Variants in DGKB observed in about 807,000 individuals in gnomAD.
DGKB encodes diacylglycerol kinase beta.
DGKB carries 67 observed loss-of-function variants against 114.3 expected under a neutral mutation model. The observed-to-expected ratio is 0.59, with a 90% CI of 0.48 to 0.72. The LOEUF (loss-of-function observed/expected upper bound fraction) is 0.72. DGKB is among the 30% of genes least tolerant of loss of function. The probability of loss-of-function intolerance (pLI) is 0.00; values close to 1 mark genes in which losing one functional copy is unlikely to be tolerated. For missense variants in DGKB, 907 were observed against 975.2 expected, an observed-to-expected ratio of 0.93 and a Z score of 0.93; for synonymous variants, 398 against 323.1, an observed-to-expected ratio of 1.23 and a Z score of -2.49.
chr7:14,900,673 T>A (rs542272770), intron 1 of DGKB, among the ~76,000 whole-genome samples: 1 of 152,302 alleles, frequency 6.6e-6, no homozygotes, highest in South Asian at 2.1e-4. Context: ...TAAAACAATT[T>A]AAATAATTGT....
At chr7:14,674,656 C>G (rs1200948450) in intron 12 of DGKB, among the ~76,000 whole-genome samples, 1 of 152,014 alleles carries the variant, frequency 6.6e-6, no homozygotes, top group Non-Finnish European at 1.5e-5. Flanking sequence ...GGACCCTAAT[C>G]CAATGACTGG....
intron 9 of DGKB, among the ~76,000 whole-genome samples, chr7:14,688,543 G>C (rs1327448740): frequency 1.3e-5 from 2 of 152,138 alleles, no homozygotes; most frequent in Admixed American, 6.6e-5. Flanking sequence ...CAAAATAATT[G>C]AGAAAGATAC....
intron 21 of DGKB, among the ~76,000 whole-genome samples, chr7:14,437,300 C>A (rs111369228): frequency 6.6e-6 from 1 of 151,966 alleles, no homozygotes. Flanking sequence ...GAATAGAGAA[C>A]AACTTTTTCT....
At chr7:14,924,451 C>T (rs550726456) in intron 1 of DGKB, among the ~76,000 whole-genome samples, 1 of 151,980 alleles carries the variant, frequency 6.6e-6, no homozygotes, top group East Asian at 1.9e-4. Flanking sequence ...CAGAGATTTC[C>T]TCTGTGGTAC....
chr7:14,843,624 G>A (rs1194036636), intron 1 of DGKB, among the ~76,000 whole-genome samples: 1 of 152,138 alleles, frequency 6.6e-6, no homozygotes, highest in African/African-American at 2.4e-5. Context: ...GTGAGCCACC[G>A]CGCCCAGCCA....
intron 1 of DGKB, among the ~76,000 whole-genome samples, chr7:14,891,791 G>A (rs985653117): frequency 6.6e-6 from 1 of 151,412 alleles, no homozygotes; most frequent in African/African-American, 2.4e-5. Context: ...TGAAGTACCT[G>A]GGTGGCAGGG....
chr7:14,561,446 T>G (rs779243036), intron 20 of DGKB, among the ~76,000 whole-genome samples: 11 of 152,070 alleles, frequency 7.2e-5, no homozygotes, highest in Non-Finnish European at 1.5e-4. Context: ...TACCCCAAAA[T>G]GGAGACGTGA....
intron 20 of DGKB, among the ~76,000 whole-genome samples, chr7:14,554,101 T>C (rs917190032): frequency 2.4e-4 from 37 of 152,018 alleles, no homozygotes; most frequent in Admixed American, 4.6e-4. Context: ...CTCGATCTCC[T>C]GACCTCGTGA....
chr7:14,880,209 T>C (rs777494332), intron 1 of DGKB, among the ~76,000 whole-genome samples: 1 of 138,812 alleles, frequency 7.2e-6, no homozygotes. Context: ...TAAAAGTTCA[T>C]CAGTATTTTG....
intron 2 of DGKB, among the ~76,000 whole-genome samples, chr7:14,773,942 T>C (rs1284739923): frequency 1.3e-5 from 2 of 152,140 alleles, no homozygotes; most frequent in African/African-American, 4.8e-5. Flanking sequence ...TCCTACACAA[T>C]AAGCTCATTT....
At chr7:14,196,527 A>C (rs1785041745) in intron 23 of DGKB, among the ~76,000 whole-genome samples, 1 of 152,128 alleles carries the variant, frequency 6.6e-6, no homozygotes, top group African/African-American at 2.4e-5. Context: ...AAAGAATTAT[A>C]TTACTGTCTT....
At chr7:14,260,495 C>CTGT (rs1796612864) in intron 23 of DGKB, among the ~76,000 whole-genome samples, 1 of 152,280 alleles carries the variant, frequency 6.6e-6, no homozygotes, top group African/African-American at 2.4e-5. Flanking sequence ...CTCAATAAGG[C>CTGT]TGTTGTTCTC....
chr7:14,350,456 A>T (rs1026050550), intron 21 of DGKB, among the ~76,000 whole-genome samples: 1 of 152,050 alleles, frequency 6.6e-6, no homozygotes, highest in Non-Finnish European at 1.5e-5. Context: ...ATAAAAAGTA[A>T]CCTAATTAGA....
At chr7:14,245,238 T>C (rs1584696243) in intron 23 of DGKB, among the ~76,000 whole-genome samples, 1 of 152,088 alleles carries the variant, frequency 6.6e-6, no homozygotes, top group African/African-American at 2.4e-5. Flanking sequence ...AAAAGACTAC[T>C]GGCTAAAAAT....
At chr7:14,245,526 T>C (rs1185804030) in intron 23 of DGKB, among the ~76,000 whole-genome samples, 1 of 152,174 alleles carries the variant, frequency 6.6e-6, no homozygotes, top group African/African-American at 2.4e-5. Context: ...TCAAATATTG[T>C]GGGTTCCTTG....
At chr7:14,654,613 T>C (rs1815386371) in intron 13 of DGKB, among the ~76,000 whole-genome samples, 1 of 151,974 alleles carries the variant, frequency 6.6e-6, no homozygotes, top group African/African-American at 2.4e-5. Context: ...AATAACACTA[T>C]GTGACTTCCA....
intron 20 of DGKB, among the ~76,000 whole-genome samples, chr7:14,493,440 T>C (rs368138847): frequency 3.2e-4 from 48 of 152,094 alleles, no homozygotes; most frequent in African/African-American, 1.1e-3. Context: ...TATACTGTAA[T>C]AAAAGTTACG....
intron 17 of DGKB, among the ~76,000 whole-genome samples, chr7:14,605,832 G>A (rs575337232): frequency 1.3e-5 from 2 of 152,134 alleles, no homozygotes; most frequent in East Asian, 3.9e-4. Context: ...ATTCACTGAG[G>A]ACATGCTATG....
At chr7:14,567,414 ATATT>A (rs1372925539) in intron 20 of DGKB, among the ~76,000 whole-genome samples, 1 of 47,312 alleles carries the variant, frequency 2.1e-5, no homozygotes, top group African/African-American at 9.4e-5. Flanking sequence ...TATATATTAT[ATATT>A]TATATATTAT....
Sources: allele counts gnomAD v4.1 joint callset (sites outside exome capture counted in the v4.1 genomes callset), GRCh38; gene constraint gnomAD v4.1.1; transcripts MANE v1.5; gene names NCBI Gene and HGNC (gene_info 2026-07-23, HGNC 2026-07-21).